EXT1: variants seen among roughly 807,000 people sequenced by gnomAD.
EXT1 encodes the protein exostosin-1.
A neutral mutation model predicts 82.5 loss-of-function variants in EXT1; 20 were observed. The ratio of observed to expected loss-of-function variants is 0.24; its 90% confidence interval spans 0.17 to 0.35. The LOEUF (loss-of-function observed/expected upper bound fraction) is 0.35. Ranked by LOEUF, EXT1 falls within the 10% of genes least tolerant of loss-of-function variation. EXT1 has a pLI of 1.00. For missense variants in EXT1, 757 were observed against 936.5 expected (o/e 0.81, Z 2.50); for synonymous variants, 348 against 350.8 (o/e 0.99, Z 0.09).
intron 1 of EXT1, among the ~76,000 whole-genome samples, chr8:117,944,640 A>G (rs1033521056): frequency 6.6e-6 from 1 of 152,240 alleles, no homozygotes; most frequent in Non-Finnish European, 1.5e-5. Flanking sequence ...GTTTTAAGAC[A>G]GAACAATTCC....
chr8:118,076,694 C>T (rs1247636278), intron 1 of EXT1, among the ~76,000 whole-genome samples: 1 of 152,164 alleles, frequency 6.6e-6, no homozygotes, highest in African/African-American at 2.4e-5. Flanking sequence ...GAAGGGTCTG[C>T]CGAGTGAATA....
chr8:118,085,223 T>G (rs1361106014), intron 1 of EXT1, among the ~76,000 whole-genome samples: 3 of 152,178 alleles, frequency 2.0e-5, no homozygotes, highest in African/African-American at 7.2e-5. Flanking sequence ...AAATAACCTA[T>G]TTGCTACAGC....
At chr8:117,930,710 G>A (rs1471775702) in intron 1 of EXT1, among the ~76,000 whole-genome samples, 1 of 152,202 alleles carries the variant, frequency 6.6e-6, no homozygotes, top group Non-Finnish European at 1.5e-5. Flanking sequence ...TCTTGAGTAG[G>A]GGCTGGGTAA....
intron 1 of EXT1, among the ~76,000 whole-genome samples, chr8:117,891,385 T>C (rs1051314008): frequency 6.6e-6 from 1 of 152,144 alleles, no homozygotes; most frequent in African/African-American, 2.4e-5. Context: ...CAAACAAGAC[T>C]ATGAGAATGG....
intron 1 of EXT1, among the ~76,000 whole-genome samples, chr8:117,968,950 C>T (rs1033039796): frequency 2.6e-5 from 4 of 152,102 alleles, no homozygotes; most frequent in African/African-American, 9.7e-5. Flanking sequence ...GATGTCCAAA[C>T]TGTTTATTAA....
chr8:118,001,782 G>C (rs1815671974), intron 1 of EXT1, among the ~76,000 whole-genome samples: 1 of 152,004 alleles, frequency 6.6e-6, no homozygotes, highest in African/African-American at 2.4e-5. Context: ...CCAAAACTTG[G>C]AATTAATGAG....
At chr8:118,050,999 C>T (rs2129923626) in intron 1 of EXT1, among the ~76,000 whole-genome samples, 1 of 152,296 alleles carries the variant, frequency 6.6e-6, no homozygotes, top group East Asian at 1.9e-4. Context: ...AGAATCCCTG[C>T]TATTAACATC....
At chr8:118,091,481 G>T (rs1349583057) in intron 1 of EXT1, among the ~76,000 whole-genome samples, 1 of 152,150 alleles carries the variant, frequency 6.6e-6, no homozygotes, top group Non-Finnish European at 1.5e-5. Context: ...GCTCACGCCT[G>T]TAATCCCAGC....
chr8:118,064,772 TG>T (rs1350774533), intron 1 of EXT1, among the ~76,000 whole-genome samples: 6 of 152,196 alleles, frequency 3.9e-5, no homozygotes, highest in African/African-American at 1.4e-4. Context: ...CCACAATGGT[TG>T]AACTAATTTA....
chr8:117,822,970 G>A (rs1811950878), intron 4 of EXT1, among the ~76,000 whole-genome samples: 1 of 152,072 alleles, frequency 6.6e-6, no homozygotes. Flanking sequence ...CTATCAAGAA[G>A]ATCTGTTCTC....
rs148679778 is a variant in EXT1 at position 118,072,499 on chromosome 8, C to A, written c.962+37586G>T. On this transcript the variant is annotated intron_variant, in intron 1 of 10. Coordinates refer to ENST00000378204, the MANE Select transcript of EXT1 (RefSeq NM_000127.3). ...TCTAGCTTACCCTAAGGGGGGAGAC[C>A]CTTTTTGCTTCTCTCGTTTCTCCCT... Among the ~76,000 whole-genome samples, 14 of 152,280 alleles carry A rather than the reference C, an allele frequency of 9.2e-5. No homozygotes were observed. The East Asian group carries it at 2.7e-3, about 29-fold the overall frequency.
chr8:117,883,252 G>C (rs557528211), intron 1 of EXT1, among the ~76,000 whole-genome samples: 34 of 152,098 alleles, frequency 2.2e-4, no homozygotes, highest in African/African-American at 7.5e-4. Context: ...TTTGAGTATC[G>C]GAACATTTAA....
At chr8:117,921,454 C>T (rs28592980) in intron 1 of EXT1, among the ~76,000 whole-genome samples, 3,076 of 152,274 alleles carry the variant, frequency 0.02, 116 homozygotes, top group African/African-American at 0.071. Flanking sequence ...GAAACATTGC[C>T]TAGAAATCTC....
chr8:117,821,614 A>G (rs1811925549), intron 5 of EXT1, among the ~76,000 whole-genome samples: 1 of 152,212 alleles, frequency 6.6e-6, no homozygotes, highest in Admixed American at 6.5e-5. Flanking sequence ...GCATTTCTTT[A>G]GGTTTCATCT....
chr8:118,099,652 T>C (rs1817682153), intron 1 of EXT1, among the ~76,000 whole-genome samples: 1 of 152,248 alleles, frequency 6.6e-6, no homozygotes, highest in African/African-American at 2.4e-5. Flanking sequence ...TTTTAAAGAC[T>C]GTCTGCTTCA....
intron 1 of EXT1, among the ~76,000 whole-genome samples, chr8:118,063,859 C>T (rs376578709): frequency 0.012 from 1,777 of 151,778 alleles, 35 homozygotes; most frequent in African/African-American, 0.04. Flanking sequence ...TATTTATTTA[C>T]TTATTTATTT....
rs1823083095 is a variant in EXT1 at position 117,795,916 on chromosome 8, C to T, written c.*3796G>A. Reference sequence around the variant, plus strand: ...GATATTAATGCTTATTTGCTGAGAACTCAACTCAAAACAACTTTGTCCCTG... The same window carrying T: ...GATATTAATGCTTATTTGCTGAGAATTCAACTCAAAACAACTTTGTCCCTG... On this transcript the variant is annotated 3_prime_UTR_variant, in exon 11 of 11. Coordinates refer to ENST00000378204, the MANE Select transcript of EXT1 (RefSeq NM_000127.3). 6.6e-6 allele frequency: 1 copy of T among 152,152 alleles called. No individual in the cohort carries two copies. The highest frequency in any genetic ancestry group is 2.1e-4 in the South Asian group (1 of 4,828). The allele number at this position is 152,152 out of a possible 1,614,324, so 9.4% of individuals were successfully genotyped here. A position where few individuals can be genotyped will look rare whatever the true frequency, so the allele number is the denominator to read the frequency against.
chr8:117,953,870 A>G (rs1353185205), intron 1 of EXT1, among the ~76,000 whole-genome samples: 1 of 152,040 alleles, frequency 6.6e-6, no homozygotes, highest in Non-Finnish European at 1.5e-5. Context: ...AGATCGCACC[A>G]CTGCACTCCA....
chr8:117,816,102 G>A (rs1311440168), intron 7 of EXT1, among the ~76,000 whole-genome samples: 1 of 151,946 alleles, frequency 6.6e-6, no homozygotes, highest in Non-Finnish European at 1.5e-5. Context: ...TATCCACAGT[G>A]CGCCCACACT....
Sources: gnomAD v4.1 joint callset for allele counts (sites outside exome capture counted in the v4.1 genomes callset) on GRCh38, gnomAD v4.1.1 for gene constraint, MANE v1.5 for transcripts, NCBI Gene and HGNC (gene_info 2026-07-23, HGNC 2026-07-21) for gene names.